CLEC18C: variants seen among roughly 807,000 people sequenced by gnomAD.
CLEC18C encodes the protein mannose receptor-like 3.
Under a neutral mutation model 27.2 loss-of-function variants are expected in CLEC18C, and 2 were observed. The observed-to-expected ratio is 0.07, with a 90% CI of 0.03 to 0.23. CLEC18C has a LOEUF of 0.23. Among genes scored for constraint, CLEC18C ranks in the 10% least tolerant of loss-of-function variants. The probability of loss-of-function intolerance (pLI) is 1.00; values close to 1 mark genes in which losing one functional copy is unlikely to be tolerated. For synonymous variants in CLEC18C, 13 were observed against 112.8 expected (o/e 0.12, Z 5.61); for missense variants, 31 against 269.0 (o/e 0.12, Z 6.19).
At chr16:70,176,006 CT>C (rs1351494692) in intron 3 of CLEC18C, among the ~76,000 whole-genome samples, 1 of 85,896 alleles carries the variant, frequency 1.2e-5, no homozygotes, top group African/African-American at 4.8e-5. Flanking sequence ...TTCCAGGGCC[CT>C]TTTGTCAAAG....
chr16:70,175,419 G>A (rs1170067184), intron 3 of CLEC18C, among the ~76,000 whole-genome samples: 2 of 121,344 alleles, frequency 1.6e-5, no homozygotes, highest in African/African-American at 8.2e-5. Flanking sequence ...GGAGAAGGTC[G>A]TGCTGGGCTG....
chr16:70,178,625 A>C (rs201423351), intron 4 of CLEC18C, among the ~76,000 whole-genome samples: 11,663 of 96,424 alleles, frequency 0.12, 2 homozygotes, highest in East Asian at 0.37. Context: ...TACTAAACTA[A>C]AGCCCTGCTC....
At chr16:70,178,384 G>A (rs1286583974) in intron 4 of CLEC18C, among the ~76,000 whole-genome samples, 1 of 134,872 alleles carries the variant, frequency 7.4e-6, no homozygotes, top group Non-Finnish European at 1.6e-5. Context: ...AGCCTCCCAA[G>A]TAGCTAGGAC....
intron 4 of CLEC18C, among the ~76,000 whole-genome samples, chr16:70,179,308 ACT>A (rs1968386140): frequency 7.6e-6 from 1 of 131,902 alleles, no homozygotes; most frequent in Non-Finnish European, 1.6e-5. Flanking sequence ...CGCGCAGGCT[ACT>A]GTGCAGTGGC....
intron 12 of CLEC18C, 27 bp downstream of exon 12, chr16:70,186,003 C>G: frequency 7.0e-7 from 1 of 1,438,070 alleles, no homozygotes; most frequent in Non-Finnish European, 9.6e-7. Flanking sequence ...GGCTCCCCTT[C>G]TCTGATCTCT....
At chr16:70,185,803 G>A (rs1968453388) in intron 11 of CLEC18C, 82 bp from the exon 12 acceptor site, 1 of 1,488,544 alleles carries the variant, frequency 6.7e-7, no homozygotes, top group Non-Finnish European at 8.9e-7. Flanking sequence ...GAGATGCAGG[G>A]TCCTGATGGG....
chr16:70,179,883 C>G (rs1444722411), intron 4 of CLEC18C, among the ~76,000 whole-genome samples: 2 of 142,768 alleles, frequency 1.4e-5, no homozygotes, highest in Non-Finnish European at 3.1e-5. Flanking sequence ...GTTGGGATTA[C>G]AGGCTTGAGC....
chr16:70,176,744 A>G (rs1445337720), intron 3 of CLEC18C, among the ~76,000 whole-genome samples: 27 of 61,142 alleles, frequency 4.4e-4, no homozygotes, highest in Admixed American at 5.9e-4. Context: ...AAAAAAGAAG[A>G]GGGAGGGGGC....
At chr16:70,176,445 G>T (rs1382373653) in intron 3 of CLEC18C, among the ~76,000 whole-genome samples, 1 of 148,034 alleles carries the variant, frequency 6.8e-6, no homozygotes, top group African/African-American at 2.6e-5. Context: ...AAGAGGGAGG[G>T]GGCTGGGCAC....
At chr16:70,179,321 G>A (rs1334532013) in intron 4 of CLEC18C, among the ~76,000 whole-genome samples, 11 of 130,960 alleles carry the variant, frequency 8.4e-5, no homozygotes, top group South Asian at 2.3e-4. Context: ...GTGCAGTGGC[G>A]CGATCTCGGC....
rs1202713819 is a variant in CLEC18C, at chr16:70,173,821, A to C, written c.-237A>C. ...CTGCTCACCAGAAGGACCATAGCCG[A>C]GGTCCTCCTCCCAGGGCCCGGGGCT... On this transcript the variant is annotated 5_prime_UTR_variant, in exon 1 of 13. Transcript: ENST00000541793. The C allele has an allele frequency of 5.6e-6, 1 of 180,110 alleles. No individual in the cohort carries two copies. The highest frequency in any genetic ancestry group is 1.2e-5 in the Non-Finnish European group (1 of 84,646). The allele number at this position is 180,110 out of a possible 1,614,324, so 11.2% of individuals were successfully genotyped here.
chr16:70,179,615 T>G (rs1249399522), intron 4 of CLEC18C, among the ~76,000 whole-genome samples: 4 of 147,782 alleles, frequency 2.7e-5, no homozygotes, highest in Non-Finnish European at 6.0e-5. Context: ...AACTCTGTTT[T>G]GTTGTTGGTG....
chr16:70,176,291 TC>T (rs1968285043), intron 3 of CLEC18C, among the ~76,000 whole-genome samples: 1 of 144,644 alleles, frequency 6.9e-6, no homozygotes, highest in South Asian at 2.2e-4. Context: ...GGGGCCCCCC[TC>T]CCTGCATCCA....
chr16:70,176,639 G>T (rs1195992139), intron 3 of CLEC18C, among the ~76,000 whole-genome samples: 3 of 145,168 alleles, frequency 2.1e-5, no homozygotes, highest in Admixed American at 6.8e-5. Context: ...TGAGGCAGGA[G>T]AATTGCTTGA....
intron 3 of CLEC18C, among the ~76,000 whole-genome samples, chr16:70,176,762 G>A (rs1968302936): frequency 9.4e-6 from 1 of 105,978 alleles, no homozygotes; most frequent in Non-Finnish European, 1.9e-5. Context: ...GGCGGGGTCA[G>A]CTGTGCGTGG....
At chr16:70,177,508 T>G (rs1388681306) in intron 4 of CLEC18C, 28 bp downstream of exon 4, 2 of 1,526,022 alleles carry the variant, frequency 1.3e-6, no homozygotes, top group Non-Finnish European at 1.8e-6. Context: ...GAGGCCAGCG[T>G]GCCAGCTCCC....
chr16:70,176,546 T>C (rs1329712555), intron 3 of CLEC18C, among the ~76,000 whole-genome samples: 2 of 151,082 alleles, frequency 1.3e-5, no homozygotes, highest in Non-Finnish European at 2.9e-5. Context: ...ATGGCCAACA[T>C]GGTGAAACCC....
chr16:70,175,494 G>A (rs1269668789), intron 3 of CLEC18C, among the ~76,000 whole-genome samples: 6 of 136,718 alleles, frequency 4.4e-5, no homozygotes, highest in Non-Finnish European at 7.6e-5. Flanking sequence ...CCACGAGGAC[G>A]GGCCTTGCCC....
intron 3 of CLEC18C, among the ~76,000 whole-genome samples, chr16:70,176,464 A>G (rs1968290386): frequency 6.7e-6 from 1 of 149,514 alleles, no homozygotes; most frequent in African/African-American, 2.5e-5. Flanking sequence ...ACGGTGGCTC[A>G]CACCTGTAAT....
Sources: gnomAD v4.1 joint callset for allele counts (sites outside exome capture counted in the v4.1 genomes callset) on GRCh38, gnomAD v4.1.1 for gene constraint, MANE v1.5 for transcripts, NCBI Gene and HGNC (gene_info 2026-07-23, HGNC 2026-07-21) for gene names.